Variants in CALN1 observed in about 807,000 individuals in gnomAD.
The protein encoded by CALN1 is calcium-binding protein 8.
CALN1 carries 17 observed loss-of-function variants against 30.6 expected under a neutral mutation model. The ratio of observed to expected loss-of-function variants is 0.56; its 90% confidence interval spans 0.38 to 0.83. The LOEUF (loss-of-function observed/expected upper bound fraction) is 0.83. Among genes scored for constraint, CALN1 ranks in the 40% least tolerant of loss-of-function variants. The pLI is 0.00. For missense variants in CALN1, 291 were observed against 354.9 expected, an observed-to-expected ratio of 0.82 and a Z score of 1.45; for synonymous variants, 156 against 131.4, an observed-to-expected ratio of 1.19 and a Z score of -1.28.
chr7:72,466,779 G>A, the CALN1 span, among the ~76,000 whole-genome samples: 772 of 144,796 alleles, frequency 5.3e-3, 8 homozygotes, highest in African/African-American at 0.018. Flanking sequence ...AGGAAAGAAG[G>A]GAAGGAAGGG....
chr7:72,458,307 T>G, the CALN1 span, among the ~76,000 whole-genome samples: 29 of 23,840 alleles, frequency 1.2e-3, 2 homozygotes, highest in African/African-American at 4.6e-3. Flanking sequence ...CTATATTATA[T>G]AATATATTTT....
At chr7:71,933,103 T>C (rs1000787127) in intron 5 of CALN1, among the ~76,000 whole-genome samples, 2 of 103,400 alleles carry the variant, frequency 1.9e-5, no homozygotes, top group Non-Finnish European at 4.7e-5. Flanking sequence ...AGCTAGAAGC[T>C]TGCATGGGTG....
At chr7:71,804,814 T>TATC (rs963302475) in intron 6 of CALN1, among the ~76,000 whole-genome samples, 40 of 151,998 alleles carry the variant, frequency 2.6e-4, no homozygotes, top group African/African-American at 9.7e-4. Flanking sequence ...ATACAAAAAT[T>TATC]ATCAGGACGT....
chr7:72,021,049 T>C (rs144979316), intron 5 of CALN1, among the ~76,000 whole-genome samples: 106 of 152,158 alleles, frequency 7.0e-4, no homozygotes, highest in African/African-American at 2.0e-3. Context: ...GGCAGGAAGA[T>C]TGCTTGAGGC....
At chr7:72,261,427 C>CTTTTTT (rs34736636) in intron 3 of CALN1, among the ~76,000 whole-genome samples, 1 of 149,078 alleles carries the variant, frequency 6.7e-6, no homozygotes, top group Non-Finnish European at 1.5e-5. Context: ...ATTTCAGAAG[C>CTTTTTT]TTTTTTTTTT....
chr7:72,463,904 A>G, the CALN1 span, among the ~76,000 whole-genome samples: 1 of 147,768 alleles, frequency 6.8e-6, no homozygotes, highest in Admixed American at 6.9e-5. Flanking sequence ...AAGCAGGAGG[A>G]TCACTTGAAG....
rs556494802 is a variant in CALN1, at chr7:72,008,212, G to A, written c.501+15445C>T. On this transcript the variant is annotated intron_variant, in intron 5 of 6. Coordinates refer to ENST00000395275, the MANE Select transcript of CALN1 (RefSeq NM_031468.4). ...AATAGTATGAAGATATTATATATCT[G>A]ACATTCTATGATTATGCAAAAAAAT... is the stretch of plus-strand genomic sequence containing the variant. Among the ~76,000 whole-genome samples the A allele has an allele frequency of 6.6e-5, 10 of 152,180 alleles. No individual in the cohort carries two copies. In the South Asian group the frequency reaches 2.1e-3, roughly 32 times the overall value.
At chr7:71,983,531 CT>C (rs5884866) in intron 5 of CALN1, among the ~76,000 whole-genome samples, 25,118 of 147,684 alleles carry the variant, frequency 0.17, 3,389 homozygotes, top group African/African-American at 0.39. Flanking sequence ...TGATTGGATG[CT>C]TTTTTTTTCT....
intron 1 of CALN1, among the ~76,000 whole-genome samples, chr7:72,408,058 G>A (rs895419758): frequency 2.0e-5 from 3 of 152,082 alleles, no homozygotes; most frequent in African/African-American, 4.8e-5. Flanking sequence ...GAGCAACCTT[G>A]AAATAATTGG....
chr7:72,344,486 A>G (rs111365121), intron 2 of CALN1, among the ~76,000 whole-genome samples: 3 of 150,958 alleles, frequency 2.0e-5, no homozygotes, highest in African/African-American at 4.8e-5. Context: ...GTGTACACAT[A>G]TGTGCACAGA....
chr7:72,280,222 C>T (rs766224647), intron 2 of CALN1, among the ~76,000 whole-genome samples: 4 of 152,174 alleles, frequency 2.6e-5, no homozygotes, highest in Non-Finnish European at 4.4e-5. Flanking sequence ...GCTTTTCGCT[C>T]ATCACAACAA....
At chr7:72,271,575 A>AAAAAAAAAAAATATATATAT in intron 3 of CALN1, among the ~76,000 whole-genome samples, 4 of 52,122 alleles carry the variant, frequency 7.7e-5, no homozygotes, top group African/African-American at 2.7e-4. Context: ...AAAAAAAAAA[A>AAAAAAAAAAAATATATATAT]ATATATATAT....
At chr7:72,178,731 C>G (rs1230532869) in intron 3 of CALN1, among the ~76,000 whole-genome samples, 1 of 151,896 alleles carries the variant, frequency 6.6e-6, no homozygotes, top group Admixed American at 6.6e-5. Context: ...TGACAAACTC[C>G]CGCTTTATTT....
At chr7:72,141,425 C>G (rs1040500394) in intron 3 of CALN1, among the ~76,000 whole-genome samples, 2 of 152,072 alleles carry the variant, frequency 1.3e-5, no homozygotes, top group Non-Finnish European at 2.9e-5. Flanking sequence ...CATGGTGAAA[C>G]CCAGTCTGTA....
At chr7:72,021,746 T>A (rs990329369) in intron 5 of CALN1, among the ~76,000 whole-genome samples, 2 of 152,148 alleles carry the variant, frequency 1.3e-5, no homozygotes, top group African/African-American at 4.8e-5. Flanking sequence ...TCCTTGCCTA[T>A]AATTTTACCC....
chr7:71,818,319 G>C (rs374056511), intron 5 of CALN1, among the ~76,000 whole-genome samples: 1 of 151,918 alleles, frequency 6.6e-6, no homozygotes, highest in African/African-American at 2.4e-5. Flanking sequence ...AAGAGGAGAC[G>C]GTCAGGTAGG....
chr7:72,190,043 T>A (rs1315364130), intron 3 of CALN1, among the ~76,000 whole-genome samples: 1 of 152,034 alleles, frequency 6.6e-6, no homozygotes, highest in Non-Finnish European at 1.5e-5. Context: ...AGTAAAATGG[T>A]GGGTAAACAA....
chr7:71,929,406 C>A (rs1795434887), intron 5 of CALN1, among the ~76,000 whole-genome samples: 1 of 152,144 alleles, frequency 6.6e-6, no homozygotes, highest in Non-Finnish European at 1.5e-5. Context: ...TCTGTTCTTG[C>A]ATTAGTTTGC....
At chr7:72,470,920 C>A in the CALN1 span, among the ~76,000 whole-genome samples, 1 of 152,016 alleles carries the variant, frequency 6.6e-6, no homozygotes, top group Non-Finnish European at 1.5e-5. Context: ...GACAGTTGAC[C>A]CCCACGTGGG....
Sources: gnomAD v4.1 joint callset for allele counts (sites outside exome capture counted in the v4.1 genomes callset) on GRCh38, gnomAD v4.1.1 for gene constraint, MANE v1.5 for transcripts, NCBI Gene and HGNC (gene_info 2026-07-23, HGNC 2026-07-21) for gene names.